The following SEMA3A variants were observed in gnomAD, a reference collection of about 807,000 sequenced individuals.
The protein encoded by SEMA3A is semaphorin-3A.
Under a neutral mutation model 97.9 loss-of-function variants are expected in SEMA3A, and 29 were observed. The ratio of observed to expected loss-of-function variants is 0.30; its 90% CI spans 0.22 to 0.40. SEMA3A has a LOEUF of 0.40. Ranked by LOEUF, SEMA3A falls within the 10% of genes least tolerant of loss-of-function variation. SEMA3A has a pLI of 1.00. For missense variants in SEMA3A, 763 were observed against 951.3 expected, an observed-to-expected ratio of 0.80 and a Z score of 2.60; for synonymous variants, 321 against 323.7, an observed-to-expected ratio of 0.99 and a Z score of 0.09.
At chr7:83,988,238 G>T (rs1364002482) in intron 12 of SEMA3A, among the ~76,000 whole-genome samples, 1 of 151,708 alleles carries the variant, frequency 6.6e-6, no homozygotes, top group Non-Finnish European at 1.5e-5. Context: ...TTGTTTGTTT[G>T]TTTTTTGAGA....
intron 3 of SEMA3A, among the ~76,000 whole-genome samples, chr7:84,261,724 C>A (rs565056283): frequency 4.7e-4 from 72 of 152,322 alleles, no homozygotes; most frequent in Middle Eastern, 3.4e-3. Flanking sequence ...TGCTGCTCTC[C>A]GCCTGGCTCG....
At chr7:84,440,861 G>A (rs570253558) in intron 1 of SEMA3A, among the ~76,000 whole-genome samples, 5 of 152,112 alleles carry the variant, frequency 3.3e-5, no homozygotes, top group Non-Finnish European at 5.9e-5. Flanking sequence ...AAGTATGGCC[G>A]ACTTAAAAAT....
chr7:84,275,324 T>C (rs1800267770), intron 3 of SEMA3A, among the ~76,000 whole-genome samples: 1 of 152,218 alleles, frequency 6.6e-6, no homozygotes, highest in Non-Finnish European at 1.5e-5. Flanking sequence ...TGAGACAATC[T>C]GATATTTGGA....
chr7:84,268,676 C>T (rs1323565495), intron 3 of SEMA3A, among the ~76,000 whole-genome samples: 1 of 152,136 alleles, frequency 6.6e-6, no homozygotes, highest in Non-Finnish European at 1.5e-5. Context: ...ACCATCCTTC[C>T]TTTCCTCTCT....
chr7:84,140,333 G>A (rs1432451682), intron 1 of SEMA3A, among the ~76,000 whole-genome samples: 1 of 152,010 alleles, frequency 6.6e-6, no homozygotes, highest in Non-Finnish European at 1.5e-5. Context: ...TTGCAAGAGT[G>A]CCCAGAACTA....
intron 3 of SEMA3A, among the ~76,000 whole-genome samples, chr7:84,296,274 C>A (rs183827065): frequency 0.012 from 1,770 of 152,068 alleles, 20 homozygotes; most frequent in Middle Eastern, 0.031. Context: ...TAAAATTAGG[C>A]ATTTTGACAA....
intron 1 of SEMA3A, among the ~76,000 whole-genome samples, chr7:84,447,464 C>T (rs897673395): frequency 2.0e-5 from 3 of 152,130 alleles, no homozygotes; most frequent in Non-Finnish European, 4.4e-5. Flanking sequence ...TGCCCATGGC[C>T]GCCCATGGAC....
chr7:83,962,922 T>C (rs1486806657), intron 16 of SEMA3A, among the ~76,000 whole-genome samples: 1 of 152,192 alleles, frequency 6.6e-6, no homozygotes, highest in Non-Finnish European at 1.5e-5. Flanking sequence ...ACAATTTCTT[T>C]GTAGATAAAC....
At chr7:84,381,059 A>T (rs1803245810) in intron 1 of SEMA3A, among the ~76,000 whole-genome samples, 1 of 152,218 alleles carries the variant, frequency 6.6e-6, no homozygotes, top group African/African-American at 2.4e-5. Flanking sequence ...TCTGGGAACC[A>T]TCGTTATTGC....
chr7:84,452,296 A>C (rs905903824), intron 1 of SEMA3A, among the ~76,000 whole-genome samples: 1 of 152,212 alleles, frequency 6.6e-6, no homozygotes, highest in African/African-American at 2.4e-5. Flanking sequence ...GAATTTAAAT[A>C]TGAACCTACT....
At chr7:84,052,160 G>A (rs1168673466) in intron 5 of SEMA3A, among the ~76,000 whole-genome samples, 1 of 151,872 alleles carries the variant, frequency 6.6e-6, no homozygotes, top group Non-Finnish European at 1.5e-5. Context: ...AAGGATATTG[G>A]TCTAAAATTC....
At chr7:84,354,610 A>G (rs925745935) in intron 2 of SEMA3A, among the ~76,000 whole-genome samples, 7 of 151,692 alleles carry the variant, frequency 4.6e-5, no homozygotes, top group Non-Finnish European at 8.9e-5. Context: ...TATTCTGCCA[A>G]ACACGGATAG....
intron 2 of SEMA3A, among the ~76,000 whole-genome samples, chr7:84,357,771 A>C (rs1802605114): frequency 6.6e-6 from 1 of 151,604 alleles, no homozygotes; most frequent in African/African-American, 2.4e-5. Context: ...AAGTGATCGT[A>C]TTTCTCCACA....
At chr7:84,312,921 T>TACAC (rs1323561552) in intron 2 of SEMA3A, among the ~76,000 whole-genome samples, 465 of 32,746 alleles carry the variant, frequency 0.014, 9 homozygotes, top group Middle Eastern at 0.023. Context: ...TATATATATA[T>TACAC]ACACACACAC....
At chr7:84,462,752 A>G (rs933648251) in intron 1 of SEMA3A, among the ~76,000 whole-genome samples, 4 of 152,166 alleles carry the variant, frequency 2.6e-5, no homozygotes, top group African/African-American at 9.7e-5. Context: ...AGTAAAGGAG[A>G]TAAGAGGGGT....
chr7:84,026,095 C>A (rs1037756507), intron 6 of SEMA3A, among the ~76,000 whole-genome samples: 4 of 152,248 alleles, frequency 2.6e-5, no homozygotes, highest in African/African-American at 9.6e-5. Flanking sequence ...AGCAACGGTT[C>A]GTAGTTTTCC....
intron 1 of SEMA3A, among the ~76,000 whole-genome samples, chr7:84,399,753 C>T (rs2116205131): frequency 6.6e-6 from 1 of 152,286 alleles, no homozygotes; most frequent in African/African-American, 2.4e-5. Flanking sequence ...GGCCTCTGGC[C>T]TTGAATAAAC....
chr7:84,121,550 T>C (rs1795617430), intron 3 of SEMA3A, among the ~76,000 whole-genome samples: 1 of 149,084 alleles, frequency 6.7e-6, no homozygotes, highest in Non-Finnish European at 1.5e-5. Flanking sequence ...CTCATCCTTT[T>C]TTTGGCTGCA....
chr7:84,423,300 A>C (rs1056519166), intron 1 of SEMA3A, among the ~76,000 whole-genome samples: 3 of 152,088 alleles, frequency 2.0e-5, no homozygotes, highest in African/African-American at 7.2e-5. Context: ...TGGTCTCTCC[A>C]CCTCTTTTAC....
Sources: allele counts gnomAD v4.1 joint callset (sites outside exome capture counted in the v4.1 genomes callset), GRCh38; gene constraint gnomAD v4.1.1; transcripts MANE v1.5; gene names NCBI Gene and HGNC (gene_info 2026-07-23, HGNC 2026-07-21).